AGBL4: variants seen among roughly 807,000 people sequenced by gnomAD.
The protein encoded by AGBL4 is AGBL carboxypeptidase 4.
Under a neutral mutation model 66.4 loss-of-function variants are expected in AGBL4, and 58 were observed. The observed-to-expected ratio is 0.87, with a 90% CI of 0.71 to 1.09. AGBL4 has a LOEUF of 1.09. AGBL4 is among the 50% of genes least tolerant of loss of function. The pLI is 0.00. For missense variants in AGBL4, 579 were observed against 631.0 expected (o/e 0.92, Z 0.88); for synonymous variants, 234 against 222.9 (o/e 1.05, Z -0.44).
At chr1:49,269,354 AT>A (rs1451212391) in intron 3 of AGBL4, 1 of 152,206 alleles carries the variant, frequency 6.6e-6, no homozygotes, top group African/African-American at 2.4e-5. Flanking sequence ...ATCCAAAAAT[AT>A]ATTTATTTGA....
chr1:49,512,190 T>G (rs1291273123), intron 3 of AGBL4, among the ~76,000 whole-genome samples: 1 of 151,938 alleles, frequency 6.6e-6, no homozygotes, highest in Admixed American at 6.6e-5. Flanking sequence ...ATATTGAAAA[T>G]GTCCCTTAAA....
At chr1:49,899,760 G>A (rs1315154127) in intron 1 of AGBL4, among the ~76,000 whole-genome samples, 2 of 152,154 alleles carry the variant, frequency 1.3e-5, no homozygotes, top group Non-Finnish European at 1.5e-5. Flanking sequence ...GTTTGCTCAG[G>A]CTGGGCACAG....
At chr1:49,594,471 C>A (rs1644813551) in intron 3 of AGBL4, among the ~76,000 whole-genome samples, 1 of 152,132 alleles carries the variant, frequency 6.6e-6, no homozygotes, top group African/African-American at 2.4e-5. Flanking sequence ...AGGTTTTAAG[C>A]CCCACATGCA....
intron 4 of AGBL4, among the ~76,000 whole-genome samples, chr1:49,140,098 G>T (rs977371257): frequency 1.3e-5 from 2 of 152,096 alleles, no homozygotes; most frequent in Non-Finnish European, 2.9e-5. Context: ...GTAATTAAGT[G>T]GCAGAACTAA....
chr1:49,374,972 C>A (rs1644442094), intron 3 of AGBL4, among the ~76,000 whole-genome samples: 2 of 152,224 alleles, frequency 1.3e-5, no homozygotes, highest in Middle Eastern at 3.4e-3. Flanking sequence ...CCATCTATTT[C>A]TATTGCTTTA....
chr1:48,560,831 G>C (rs182205980), intron 11 of AGBL4, among the ~76,000 whole-genome samples: 1 of 152,190 alleles, frequency 6.6e-6, no homozygotes, highest in Non-Finnish European at 1.5e-5. Context: ...AATTTTGAAG[G>C]CACTAATTTA....
chr1:49,285,927 C>T (rs1038231768), intron 3 of AGBL4, among the ~76,000 whole-genome samples: 6 of 152,136 alleles, frequency 3.9e-5, no homozygotes, highest in African/African-American at 7.2e-5. Flanking sequence ...AATTTTACAC[C>T]AATATCCTTG....
At chr1:49,513,374 C>A (rs1649453248) in intron 3 of AGBL4, among the ~76,000 whole-genome samples, 2 of 151,936 alleles carry the variant, frequency 1.3e-5, no homozygotes, top group South Asian at 4.1e-4. Flanking sequence ...ATCCTGTCAC[C>A]ATGGTAGTAT....
intron 2 of AGBL4, among the ~76,000 whole-genome samples, chr1:49,737,227 T>G (rs1278981089): frequency 6.6e-6 from 1 of 152,158 alleles, no homozygotes; most frequent in East Asian, 1.9e-4. Flanking sequence ...AAAAGAAACA[T>G]GCACTTATAT....
intron 1 of AGBL4, among the ~76,000 whole-genome samples, chr1:49,852,117 G>A (rs1457432198): frequency 2.0e-5 from 3 of 152,100 alleles, no homozygotes; most frequent in Non-Finnish European, 2.9e-5. Context: ...AATGGAAAGA[G>A]CATCCCTTCT....
chr1:49,074,880 T>C (rs970059608), intron 4 of AGBL4, among the ~76,000 whole-genome samples: 1 of 152,204 alleles, frequency 6.6e-6, no homozygotes, highest in African/African-American at 2.4e-5. Flanking sequence ...AACTCAGTAG[T>C]AGATTCCACA....
intron 2 of AGBL4, among the ~76,000 whole-genome samples, chr1:49,730,688 A>G (rs1025405758): frequency 2.0e-5 from 3 of 152,142 alleles, no homozygotes; most frequent in African/African-American, 7.2e-5. Context: ...TGGGCGAAGC[A>G]CAGAGCCACA....
chr1:49,493,703 C>T (rs1346001145), intron 3 of AGBL4, among the ~76,000 whole-genome samples: 1 of 151,982 alleles, frequency 6.6e-6, no homozygotes, highest in Admixed American at 6.6e-5. Flanking sequence ...AACTTGTAGT[C>T]AAACCAATGT....
chr1:49,934,849 G>A (rs1160535134), intron 1 of AGBL4, among the ~76,000 whole-genome samples: 2 of 151,906 alleles, frequency 1.3e-5, no homozygotes, highest in Non-Finnish European at 2.9e-5. Context: ...ATAGGAGAGG[G>A]CAGCCAAGAT....
chr1:49,333,649 T>C (rs17105629), intron 3 of AGBL4, among the ~76,000 whole-genome samples: 13,306 of 152,040 alleles, frequency 0.088, 862 homozygotes, highest in East Asian at 0.3. Context: ...CATAAATAGA[T>C]CAATAATGAC....
intron 11 of AGBL4, among the ~76,000 whole-genome samples, chr1:48,564,319 A>G (rs922331613): frequency 3.9e-5 from 6 of 151,952 alleles, no homozygotes; most frequent in Non-Finnish European, 8.8e-5. Flanking sequence ...TCCCTGGATC[A>G]AGTCCAAACC....
intron 4 of AGBL4, among the ~76,000 whole-genome samples, chr1:49,065,121 T>C (rs561832209): frequency 6.6e-6 from 1 of 152,238 alleles, no homozygotes; most frequent in Non-Finnish European, 1.5e-5. Context: ...GAATAAGAAA[T>C]AGAATGTGGT....
intron 5 of AGBL4, among the ~76,000 whole-genome samples, chr1:48,978,045 G>T (rs1437966056): frequency 6.6e-6 from 1 of 152,134 alleles, no homozygotes; most frequent in East Asian, 1.9e-4. Context: ...AGATACAGTG[G>T]CCATTGGAAC....
intron 6 of AGBL4, among the ~76,000 whole-genome samples, chr1:48,795,370 C>T (rs540288885): frequency 1.4e-4 from 21 of 152,256 alleles, no homozygotes; most frequent in African/African-American, 3.9e-4. Context: ...TGGCTGCCAC[C>T]TTGTTCTTCT....
Sources: gnomAD v4.1 joint callset for allele counts (sites outside exome capture counted in the v4.1 genomes callset) on GRCh38, gnomAD v4.1.1 for gene constraint, MANE v1.5 for transcripts, NCBI Gene and HGNC (gene_info 2026-07-23, HGNC 2026-07-21) for gene names.